SLC24A3: variants seen among roughly 807,000 people sequenced by gnomAD.
SLC24A3 encodes the protein solute carrier family 24 member 3, also known as sodium/potassium/calcium exchanger 3.
In SLC24A3, 28 loss-of-function variants were observed where a neutral mutation model predicts 75.8. The observed-to-expected ratio is 0.37, with a 90% CI of 0.27 to 0.51. The LOEUF is 0.51. SLC24A3 is among the 20% of genes least tolerant of loss of function. The pLI is 0.94. For missense variants in SLC24A3, 663 were observed against 847.8 expected, an observed-to-expected ratio of 0.78 and a Z score of 2.71; for synonymous variants, 372 against 334.1, an observed-to-expected ratio of 1.11 and a Z score of -1.24.
At chr20:19,604,198 G>A (rs2031566097) in intron 6 of SLC24A3, among the ~76,000 whole-genome samples, 1 of 151,522 alleles carries the variant, frequency 6.6e-6, no homozygotes, top group Non-Finnish European at 1.5e-5. Context: ...CAGTAGGAGT[G>A]GTCTGAAGAG....
intron 2 of SLC24A3, among the ~76,000 whole-genome samples, chr20:19,432,866 G>T (rs980410728): frequency 6.6e-6 from 1 of 152,174 alleles, no homozygotes; most frequent in Non-Finnish European, 1.5e-5. Context: ...GATGGTGGTT[G>T]TAACTGTCTG....
At chr20:19,316,228 C>G (rs937627307) in intron 2 of SLC24A3, among the ~76,000 whole-genome samples, 9 of 152,210 alleles carry the variant, frequency 5.9e-5, no homozygotes, top group African/African-American at 2.2e-4. Flanking sequence ...CATCAAAAAT[C>G]TGGGACCACC....
chr20:19,577,114 G>C (rs2122628742), intron 3 of SLC24A3, among the ~76,000 whole-genome samples: 1 of 151,932 alleles, frequency 6.6e-6, no homozygotes, highest in Non-Finnish European at 1.5e-5. Context: ...GAGTGCAGTG[G>C]CGCGATCTCG....
chr20:19,505,638 C>T (rs1022435325), intron 2 of SLC24A3, among the ~76,000 whole-genome samples: 1 of 152,040 alleles, frequency 6.6e-6, no homozygotes, highest in Non-Finnish European at 1.5e-5. Flanking sequence ...GTGCTGGGAA[C>T]CCTTAACAGT....
chr20:19,322,416 T>A (rs1046960173), intron 2 of SLC24A3, among the ~76,000 whole-genome samples: 1 of 148,870 alleles, frequency 6.7e-6, no homozygotes, highest in Non-Finnish European at 1.5e-5. Context: ...CCTTCCTTCC[T>A]TCCTTCTTTC....
intron 1 of SLC24A3, among the ~76,000 whole-genome samples, chr20:19,216,566 A>G (rs995185804): frequency 1.6e-4 from 24 of 152,070 alleles, no homozygotes; most frequent in African/African-American, 5.6e-4. Flanking sequence ...CCATCATTGT[A>G]CCACTGTACC....
intron 12 of SLC24A3, among the ~76,000 whole-genome samples, chr20:19,687,983 C>A (rs1379876145): frequency 6.6e-6 from 1 of 152,154 alleles, no homozygotes; most frequent in Non-Finnish European, 1.5e-5. Context: ...CCCCACATCC[C>A]CTCCTGTGTC....
intron 2 of SLC24A3, among the ~76,000 whole-genome samples, chr20:19,297,989 G>T (rs1435677343): frequency 6.6e-6 from 1 of 152,254 alleles, no homozygotes; most frequent in East Asian, 1.9e-4. Flanking sequence ...TTCAGGTGCA[G>T]CACTGCACAT....
At chr20:19,329,621 T>C (rs1277087786) in intron 2 of SLC24A3, among the ~76,000 whole-genome samples, 1 of 152,256 alleles carries the variant, frequency 6.6e-6, no homozygotes, top group Non-Finnish European at 1.5e-5. Flanking sequence ...GCAGTATTAT[T>C]GAATTTGTTG....
At chr20:19,566,394 C>T (rs1279106784) in intron 3 of SLC24A3, among the ~76,000 whole-genome samples, 1 of 152,214 alleles carries the variant, frequency 6.6e-6, no homozygotes, top group African/African-American at 2.4e-5. Flanking sequence ...TCTACATTCC[C>T]ACACCCTGCT....
intron 12 of SLC24A3, among the ~76,000 whole-genome samples, chr20:19,688,404 C>T (rs1044372944): frequency 1.3e-5 from 2 of 152,242 alleles, no homozygotes; most frequent in African/African-American, 4.8e-5. Context: ...TCTTCCCCTC[C>T]ACCAGCTGCT....
intron 2 of SLC24A3, among the ~76,000 whole-genome samples, chr20:19,321,710 G>A (rs1296816747): frequency 6.6e-6 from 1 of 152,156 alleles, no homozygotes; most frequent in Non-Finnish European, 1.5e-5. Context: ...GTTTTGTATA[G>A]TTACCTTCCA....
At chr20:19,675,072 A>C (rs1024283950) in intron 9 of SLC24A3, among the ~76,000 whole-genome samples, 1 of 152,150 alleles carries the variant, frequency 6.6e-6, no homozygotes, top group African/African-American at 2.4e-5. Flanking sequence ...ATAAATAAGA[A>C]TTGTATGACC....
At chr20:19,556,408 C>T (rs907768722) in intron 3 of SLC24A3, among the ~76,000 whole-genome samples, 1 of 152,082 alleles carries the variant, frequency 6.6e-6, no homozygotes. Context: ...TCTCCCACCC[C>T]ATCGTCCAAA....
At chr20:19,293,447 G>C (rs1254457895) in intron 2 of SLC24A3, among the ~76,000 whole-genome samples, 8 of 152,000 alleles carry the variant, frequency 5.3e-5, no homozygotes. Flanking sequence ...CCCGAGGTCA[G>C]GAGTTCAAGA....
At chr20:19,372,559 G>T (rs1325969471) in intron 2 of SLC24A3, among the ~76,000 whole-genome samples, 2 of 152,164 alleles carry the variant, frequency 1.3e-5, no homozygotes, top group Non-Finnish European at 2.9e-5. Context: ...TCGTTCAATT[G>T]CTTCCTATGA....
intron 2 of SLC24A3, among the ~76,000 whole-genome samples, chr20:19,446,647 G>T (rs915151109): frequency 2.6e-5 from 4 of 152,168 alleles, no homozygotes; most frequent in African/African-American, 9.7e-5. Flanking sequence ...CAGAATGTCT[G>T]CCTACAGGGA....
chr20:19,341,387 G>A (rs1465187730), intron 2 of SLC24A3, among the ~76,000 whole-genome samples: 2 of 152,172 alleles, frequency 1.3e-5, no homozygotes, highest in African/African-American at 4.8e-5. Context: ...AAGGCCCAGA[G>A]GTCATCTGAG....
intron 1 of SLC24A3, among the ~76,000 whole-genome samples, chr20:19,273,890 C>G (rs1014683433): frequency 2.0e-5 from 3 of 151,406 alleles, no homozygotes; most frequent in African/African-American, 7.3e-5. Context: ...ACAGGCATCA[C>G]CTCTTAACTG....
Sources: gnomAD v4.1 joint callset for allele counts (sites outside exome capture counted in the v4.1 genomes callset) on GRCh38, gnomAD v4.1.1 for gene constraint, MANE v1.5 for transcripts, NCBI Gene and HGNC (gene_info 2026-07-23, HGNC 2026-07-21) for gene names.